LHFPL3: variants seen among roughly 807,000 people sequenced by gnomAD.
LHFPL3 encodes the protein LHFPL tetraspan subfamily member 3, also known as LHFPL tetraspan subfamily member 3 protein.
LHFPL3 carries 5 observed loss-of-function variants against 19.3 expected under a neutral mutation model. The observed-to-expected ratio is 0.26, with a 90% CI of 0.14 to 0.54. The LOEUF (loss-of-function observed/expected upper bound fraction) is 0.54, where lower values mean the gene tolerates loss of function less well. Ranked by LOEUF, LHFPL3 falls within the 20% of genes least tolerant of loss-of-function variation. The pLI is 0.94. For synonymous variants in LHFPL3, 133 were observed against 126.2 expected (o/e 1.05, Z -0.36); for missense variants, 249 against 307.4 (o/e 0.81, Z 1.42).
intron 1 of LHFPL3, among the ~76,000 whole-genome samples, chr7:104,570,513 C>T (rs779687226): frequency 4.6e-5 from 7 of 152,160 alleles, no homozygotes; most frequent in East Asian, 1.9e-4. Flanking sequence ...TATGTCATAA[C>T]GCAAAAATAA....
intron 2 of LHFPL3, among the ~76,000 whole-genome samples, chr7:104,814,525 C>T (rs1013865632): frequency 4.6e-5 from 7 of 152,156 alleles, no homozygotes; most frequent in Non-Finnish European, 1.0e-4. Flanking sequence ...CTCAGGTCCA[C>T]GGAACTGGCA....
chr7:104,627,914 T>C (rs964774745), intron 1 of LHFPL3, among the ~76,000 whole-genome samples: 10 of 152,206 alleles, frequency 6.6e-5, no homozygotes, highest in Non-Finnish European at 1.2e-4. Flanking sequence ...TATTGAAAAA[T>C]CTAACATTCT....
At chr7:104,392,616 A>G (rs944083866) in intron 1 of LHFPL3, among the ~76,000 whole-genome samples, 163 of 151,996 alleles carry the variant, frequency 1.1e-3, no homozygotes, top group Non-Finnish European at 2.0e-3. Flanking sequence ...TTTTGCATCA[A>G]TGTTCATCAG....
At chr7:104,398,886 A>G (rs1223267726) in intron 1 of LHFPL3, among the ~76,000 whole-genome samples, 1 of 151,996 alleles carries the variant, frequency 6.6e-6, no homozygotes, top group Non-Finnish European at 1.5e-5. Context: ...ACGTGTCCCC[A>G]TATCACAACT....
At chr7:104,901,239 A>G (rs1562830513) in intron 2 of LHFPL3, among the ~76,000 whole-genome samples, 1 of 152,194 alleles carries the variant, frequency 6.6e-6, no homozygotes, top group Admixed American at 6.5e-5. Context: ...TGTGCATACT[A>G]TCTAAGTAGT....
At position 104,624,869 on chromosome 7, in the gene LHFPL3, T is replaced by C. The variant is rs559242356; in HGVS notation, c.446-111806T>C. 4.6e-5 allele frequency among the ~76,000 whole-genome samples: 7 copies of C among 152,328 alleles called. No homozygotes were observed. In the South Asian group the frequency reaches 1.5e-3, roughly 32 times the overall value. ...TTAAGAGATATTTATCTCCAGAGAATTTATTAAAGAGCAAAAGGAGAATAA... is the reference window on the plus strand; with the variant it reads ...TTAAGAGATATTTATCTCCAGAGAACTTATTAAAGAGCAAAAGGAGAATAA... On this transcript the variant is annotated intron_variant, in intron 1 of 2. Coordinates refer to ENST00000424859, the MANE Select transcript of LHFPL3 (RefSeq NM_199000.3).
intron 1 of LHFPL3, among the ~76,000 whole-genome samples, chr7:104,338,393 C>A (rs1306679050): frequency 6.6e-6 from 1 of 152,072 alleles, no homozygotes; most frequent in Admixed American, 6.5e-5. Flanking sequence ...ACCACTGCGC[C>A]CAGCCAAAAC....
chr7:104,408,907 C>T (rs1156909575), intron 1 of LHFPL3, among the ~76,000 whole-genome samples: 1 of 142,380 alleles, frequency 7.0e-6, no homozygotes. Flanking sequence ...CTCTGTTGCC[C>T]AGGCTGGAGT....
At position 104,691,652 on chromosome 7, in the gene LHFPL3, A is replaced by G. The variant is rs116218061; in HGVS notation, c.446-45023A>G. ...ATGGTCAGGGACTTGAAGAAGCACAATTGGAAAATTGTTGACAAAGAAATT... is the reference window on the plus strand; with the variant it reads ...ATGGTCAGGGACTTGAAGAAGCACAGTTGGAAAATTGTTGACAAAGAAATT... On this transcript the variant is annotated intron_variant, in intron 1 of 2. Transcript: ENST00000424859. 2.8e-3 allele frequency among the ~76,000 whole-genome samples: 428 copies of G among 152,358 alleles called. 3 individuals are homozygous for G. Among genetic ancestry groups the G allele is most frequent in the African/African-American group, 9.1e-3 (379 of 41,584 alleles).
At chr7:104,838,029 T>A (rs187079873) in intron 2 of LHFPL3, among the ~76,000 whole-genome samples, 1 of 152,214 alleles carries the variant, frequency 6.6e-6, no homozygotes, top group Non-Finnish European at 1.5e-5. Context: ...AGACTTAGTA[T>A]GGAATTGCTC....
At chr7:104,772,042 A>T (rs1185483624) in intron 2 of LHFPL3, among the ~76,000 whole-genome samples, 1 of 151,698 alleles carries the variant, frequency 6.6e-6, no homozygotes, top group African/African-American at 2.4e-5. Flanking sequence ...AATGGTCTCG[A>T]TCTCTTGACC....
chr7:104,775,970 T>C (rs1438254591), intron 2 of LHFPL3, among the ~76,000 whole-genome samples: 1 of 152,214 alleles, frequency 6.6e-6, no homozygotes, highest in Non-Finnish European at 1.5e-5. Flanking sequence ...AATCTTGGAA[T>C]GCATTGTTTA....
chr7:104,801,525 G>C (rs1790244789), intron 2 of LHFPL3, among the ~76,000 whole-genome samples: 1 of 152,064 alleles, frequency 6.6e-6, no homozygotes, highest in Non-Finnish European at 1.5e-5. Context: ...TAGCACCAAA[G>C]TTTTTTGTTG....
chr7:104,780,437 G>C (rs1794699624), intron 2 of LHFPL3, among the ~76,000 whole-genome samples: 1 of 152,104 alleles, frequency 6.6e-6, no homozygotes, highest in Non-Finnish European at 1.5e-5. Flanking sequence ...GCCCTGCCCA[G>C]AGGACGCAGC....
At chr7:104,655,903 A>G (rs1036160569) in intron 1 of LHFPL3, among the ~76,000 whole-genome samples, 1 of 152,220 alleles carries the variant, frequency 6.6e-6, no homozygotes, top group African/African-American at 2.4e-5. Flanking sequence ...TTGCCAGAAA[A>G]GCATTACATT....
chr7:104,590,631 G>C (rs187116546), intron 1 of LHFPL3, among the ~76,000 whole-genome samples: 2 of 152,220 alleles, frequency 1.3e-5, no homozygotes, highest in South Asian at 2.1e-4. Context: ...TATTAGGTCC[G>C]CTTGGTGCAG....
chr7:104,852,365 G>A (rs891177830), intron 2 of LHFPL3, among the ~76,000 whole-genome samples: 1 of 152,198 alleles, frequency 6.6e-6, no homozygotes, highest in African/African-American at 2.4e-5. Context: ...CCAGCAGTGG[G>A]GATCAGGACA....
At chr7:104,899,976 C>A (rs889841436) in intron 2 of LHFPL3, among the ~76,000 whole-genome samples, 3 of 152,206 alleles carry the variant, frequency 2.0e-5, no homozygotes, top group Non-Finnish European at 4.4e-5. Context: ...AGGTGATTTG[C>A]CTGCCTTGGC....
chr7:104,776,702 C>T (rs536836385), intron 2 of LHFPL3, among the ~76,000 whole-genome samples: 2 of 152,348 alleles, frequency 1.3e-5, no homozygotes, highest in South Asian at 4.1e-4. Flanking sequence ...AGTATTCATA[C>T]TGGCATATAG....
Sources: allele counts gnomAD v4.1 joint callset (sites outside exome capture counted in the v4.1 genomes callset), GRCh38; gene constraint gnomAD v4.1.1; transcripts MANE v1.5; gene names NCBI Gene and HGNC (gene_info 2026-07-23, HGNC 2026-07-21).